The following PIEZO1 variants were observed in gnomAD, a reference collection of about 807,000 sequenced individuals.
PIEZO1 encodes the protein piezo-type mechanosensitive ion channel component 1.
PIEZO1 carries 296 observed loss-of-function variants against 297.2 expected under a neutral mutation model. That is an observed-to-expected ratio of 1.00 (90% CI 0.91 to 1.10). The LOEUF (loss-of-function observed/expected upper bound fraction) is 1.10. PIEZO1 is among the 50% of genes least tolerant of loss of function. The pLI, the probability that PIEZO1 is intolerant of heterozygous loss-of-function variation, is 0.00. For missense variants in PIEZO1, 5,018 were observed against 3,455.5 expected (o/e 1.45, Z -11.34); for synonymous variants, 2,427 against 1,507.5 (o/e 1.61, Z -14.13).
chr16:88,717,399 T>A, intron 44 of PIEZO1, 188 bp from the exon 45 acceptor site: 1 of 651,580 alleles, frequency 1.5e-6, no homozygotes, highest in Non-Finnish European at 2.8e-6. Context: ...ACCCTCATGT[T>A]CAGGGGTCGT....
Position 88,782,527 on chromosome 16 carries a change from G to C in PIEZO1, c.64+2374C>G, listed in dbSNP as rs569963653. ...CTGTGGGTGGGGCAGCTCCCTGCCAGATTTTTGGGTAATGATCCTGCACTG... is the reference window on the plus strand; with the variant it reads ...CTGTGGGTGGGGCAGCTCCCTGCCACATTTTTGGGTAATGATCCTGCACTG... On this transcript the variant is annotated intron_variant, in intron 1 of 50. Coordinates refer to ENST00000301015, the MANE Select transcript of PIEZO1 (RefSeq NM_001142864.4). 5.6e-4 allele frequency among the ~76,000 whole-genome samples: 85 copies of C among 152,324 alleles called. 2 individuals carry two copies. In the South Asian group the frequency reaches 0.013, roughly 24 times the overall value.
In PIEZO1 at chr16:88,719,952, T is replaced by C; in HGVS notation, c.6173A>G (p.Asn2058Ser). 1 of 1,550,200 alleles carries C rather than the reference T, an allele frequency of 6.5e-7. No homozygotes were observed. The highest frequency in any genetic ancestry group is 8.7e-7 in the Non-Finnish European group (1 of 1,146,904). ...CCAGAGCTGGGCCACCACATTCTGG[T>C]TGAACATCCTGGGGCGGGATGGCCA... ...ILPAVTERMFNQNVVAQLWYF... is the reference protein window; with the variant it reads ...ILPAVTERMFSQNVVAQLWYF... Residue 2058 changes from asparagine (N) to serine (S), a missense_variant, in exon 43 of 51, where the codon AAC becomes AGC. Transcript: ENST00000301015.
intron 1 of PIEZO1, among the ~76,000 whole-genome samples, chr16:88,757,227 C>G (rs1417943054): frequency 6.7e-6 from 1 of 148,528 alleles, no homozygotes; most frequent in Non-Finnish European, 1.5e-5. Context: ...CTGGAAGACG[C>G]GATGCATTGA....
chr16:88,720,772 C>T lies in PIEZO1; in HGVS notation c.5669-24G>A, dbSNP rs768716476. ...TTCTGTAGGGAAAAGCTGACTTCTG[C>T]CTGGGCCCCCTGGGGACTGGGCCTG... On this transcript the variant is annotated intron_variant, in intron 39 of 50. Coordinates refer to ENST00000301015, the MANE Select transcript of PIEZO1 (RefSeq NM_001142864.4). 3 of 1,459,110 alleles carry T rather than the reference C, an allele frequency of 2.1e-6. No individual in the cohort carries two copies. The South Asian group carries it at 4.4e-5, about 21-fold the overall frequency. 90.4% of individuals were successfully genotyped at this position (1,459,110 alleles called of 1,614,324 possible). A position where few individuals can be genotyped will look rare whatever the true frequency, so the allele number is the denominator to read the frequency against.
chr16:88,715,572 G>A lies in PIEZO1; in HGVS notation c.*33C>T, dbSNP rs948748493. On this transcript the variant is annotated 3_prime_UTR_variant, in exon 51 of 51. Coordinates refer to ENST00000301015, the MANE Select transcript of PIEZO1 (RefSeq NM_001142864.4). ...TTGTGGCCACGCTGCCCAGCAGGCCGGCTCCTTCCCTCTCGGGCGCCAGCA... is the reference window on the plus strand; with the variant it reads ...TTGTGGCCACGCTGCCCAGCAGGCCAGCTCCTTCCCTCTCGGGCGCCAGCA... The A allele has an allele frequency of 4.0e-5, 62 of 1,540,752 alleles. No individual in the cohort carries two copies. Among genetic ancestry groups the A allele is most frequent in the South Asian group, 7.2e-5 (6 of 83,862 alleles).
chr16:88,731,959 A>AGGGGGGGGTGT (rs1555555063), intron 21 of PIEZO1, 49 bp from the exon 22 acceptor site: 1 of 63,334 alleles, frequency 1.6e-5, no homozygotes, highest in African/African-American at 1.8e-4. Flanking sequence ...GTCTGGGGGG[A>AGGGGGGGGTGT]GGGACTTTCT....
intron 1 of PIEZO1, among the ~76,000 whole-genome samples, chr16:88,752,630 G>A (rs964349821): frequency 6.6e-6 from 1 of 152,172 alleles, no homozygotes; most frequent in African/African-American, 2.4e-5. Context: ...ATGGAGATGA[G>A]GGAGGGGCTG....
In PIEZO1 at chr16:88,727,386, A is replaced by C. The variant is rs74735245; in HGVS notation, c.3301+171T>G. Among the ~76,000 whole-genome samples the C allele has an allele frequency of 0.015, 2,286 of 152,306 alleles. 57 individuals carry two copies. The highest frequency in any genetic ancestry group is 0.052 in the African/African-American group (2,167 of 41,540). On this transcript the variant is annotated intron_variant, in intron 23 of 50. Coordinates refer to ENST00000301015, the MANE Select transcript of PIEZO1 (RefSeq NM_001142864.4). ...GGCATCTGCACAAGGGCTGCCGTGC[A>C]CACAGGCTGAGGTCTGCGTGCGTGC...
At position 88,731,911 on chromosome 16, in the gene PIEZO1, C is replaced by CTGGGGGGGGGGGTG; in HGVS notation, c.2992-2_2992-1insCACCCCCCCCCCCA. 1 of 863,920 alleles carries CTGGGGGGGGGGGTG rather than the reference C, an allele frequency of 1.2e-6. No individual in the cohort carries two copies. Among genetic ancestry groups the CTGGGGGGGGGGGTG allele is most frequent in the Non-Finnish European group, 1.5e-6 (1 of 682,020 alleles). 53.5% of individuals were successfully genotyped at this position (863,920 alleles called of 1,614,324 possible). A position where few individuals can be genotyped will look rare whatever the true frequency, so the allele number is the denominator to read the frequency against. On this transcript the variant is annotated splice_acceptor_variant, in intron 21 of 50. Coordinates refer to ENST00000301015, the MANE Select transcript of PIEZO1 (RefSeq NM_001142864.4). LOFTEE classifies it high-confidence loss of function. ...CGTTCACGGCCATCAGGAAGCAGAT[C>CTGGGGGGGGGGGTG]TGGGGAGGGGAGAGGGCGGGGTGTG...
In PIEZO1 at chr16:88,722,006, C is replaced by A. The variant is rs1233403439; in HGVS notation, c.5016G>T (p.Ala1672=). 2 of 1,548,892 alleles carry A rather than the reference C, an allele frequency of 1.3e-6. No homozygotes were observed. Among genetic ancestry groups the A allele is most frequent in the African/African-American group, 1.4e-5 (1 of 73,030 alleles). Residue 1672 remains alanine, a synonymous_variant, in exon 37 of 51, where the codon GCG becomes GCT. Transcript: ENST00000301015. The stretch of plus-strand genomic sequence containing the variant: ...GGTACACGGCCCGCAGCAGCCGCAG[C>A]GCCCGGCCCTGCCCCTCCGCAAACA... ...AELFAEGQGR[A]LRLLRAVYQC... is the part of the protein sequence containing the mutation.
chr16:88,716,972 G>A, intron 45 of PIEZO1, 51 bp downstream of exon 45: 1 of 1,546,614 alleles, frequency 6.5e-7, no homozygotes. Flanking sequence ...CACCACCTTG[G>A]CCAGAACCCC....
At chr16:88,743,731 A>G in intron 2 of PIEZO1, 2 of 437,180 alleles carry the variant, frequency 4.6e-6, no homozygotes, top group South Asian at 3.2e-5. Flanking sequence ...AGCAGCCCTC[A>G]CGGATGCCCA....
In PIEZO1 at chr16:88,733,722, C is replaced by A; in HGVS notation, c.2353G>T (p.Ala785Ser). The A allele has an allele frequency of 6.5e-7, 1 of 1,546,458 alleles. No homozygotes were observed. Among genetic ancestry groups the A allele is most frequent in the South Asian group, 1.2e-5 (1 of 83,610 alleles). The change falls in exon 18 of 51, where the codon GCT (alanine) becomes TCT (serine). Residue 785 changes from alanine to serine, a missense_variant. By Grantham distance (99) the Ala-to-Ser change is moderately conservative. Coordinates refer to ENST00000301015, the MANE Select transcript of PIEZO1 (RefSeq NM_001142864.4). ...PEGAAKWGLV[A>S]ERLLELAAGF... ...GCTGCCAGCTCCAGCAGCCGCTCAGCCACCAGGCCCCACTTGGCTGCCCCT... is the reference window on the plus strand; with the variant it reads ...GCTGCCAGCTCCAGCAGCCGCTCAGACACCAGGCCCCACTTGGCTGCCCCT...
intron 1 of PIEZO1, among the ~76,000 whole-genome samples, chr16:88,762,996 C>T (rs1180583799): frequency 4.6e-5 from 7 of 152,340 alleles, no homozygotes; most frequent in African/African-American, 1.7e-4. Context: ...CCACAGCTTT[C>T]CATGAGCAGC....
chr16:88,765,787 C>CTGA (rs1907149310), intron 1 of PIEZO1, among the ~76,000 whole-genome samples: 1 of 151,820 alleles, frequency 6.6e-6, no homozygotes, highest in Admixed American at 6.6e-5. Flanking sequence ...GATTCTCCTG[C>CTGA]CTCAGCCTCC....
Position 88,715,617 on chromosome 16 carries a change from A to ACGAGT in PIEZO1, c.7549_7553dup (p.Glu2519LeufsTer54). The ACGAGT allele has an allele frequency of 6.5e-7, 1 of 1,549,548 alleles. No homozygotes were observed. Among genetic ancestry groups the ACGAGT allele is most frequent in the Non-Finnish European group, 8.7e-7 (1 of 1,146,804 alleles). On this transcript the variant is annotated frameshift_variant, in exon 51 of 51. Transcript: ENST00000301015. LOFTEE classifies it high-confidence loss of function. ...CCAGCAGCAGCTCCTACTCCTTCTC[A>ACGAGT]CGAGTCCACTTGATCATGGTCTCCG...
intron 2 of PIEZO1, chr16:88,744,474 T>A (rs765040411): frequency 6.6e-5 from 10 of 151,588 alleles, no homozygotes; most frequent in Admixed American, 6.6e-5. Context: ...GGCTGACGGG[T>A]TCCCTGCACA....
chr16:88,760,760 C>T (rs1204106892), intron 1 of PIEZO1, among the ~76,000 whole-genome samples: 2 of 152,218 alleles, frequency 1.3e-5, no homozygotes, highest in African/African-American at 2.4e-5. Flanking sequence ...CGAGGGGAGC[C>T]ACCCGCCTTC....
intron 9 of PIEZO1, 39 bp downstream of exon 9, chr16:88,737,689 G>C (rs879522928): frequency 2.0e-5 from 31 of 1,531,734 alleles, no homozygotes; most frequent in Non-Finnish European, 2.6e-5. Context: ...CTGGCCGGGC[G>C]CCCCCCACGC....
Sources: gnomAD v4.1 joint callset for allele counts (sites outside exome capture counted in the v4.1 genomes callset) on GRCh38, gnomAD v4.1.1 for gene constraint, MANE v1.5 for transcripts, NCBI Gene and HGNC (gene_info 2026-07-23, HGNC 2026-07-21) for gene names.